ROBO2: variants seen among roughly 807,000 people sequenced by gnomAD.
ROBO2 encodes the protein roundabout homolog 2.
ROBO2 carries 53 observed loss-of-function variants against 160.8 expected under a neutral mutation model. The ratio of observed to expected loss-of-function variants is 0.33; its 90% CI spans 0.26 to 0.41. ROBO2 has a LOEUF of 0.41. ROBO2 is among the 10% of genes least tolerant of loss of function. The pLI is 1.00. For missense variants in ROBO2, 1,577 were observed against 1,722.4 expected (o/e 0.92, Z 1.49); for synonymous variants, 664 against 611.7 (o/e 1.09, Z -1.26).
chr3:77,350,451 G>C (rs1485324424), intron 2 of ROBO2, among the ~76,000 whole-genome samples: 2 of 152,092 alleles, frequency 1.3e-5, no homozygotes, highest in Non-Finnish European at 2.9e-5. Flanking sequence ...CACTTCCACT[G>C]AATATGGAGA....
chr3:77,235,175 A>C (rs2087777521), intron 2 of ROBO2, among the ~76,000 whole-genome samples: 1 of 152,168 alleles, frequency 6.6e-6, no homozygotes. Context: ...AATATTCGAT[A>C]ACCTTTATTA....
chr3:76,672,377 T>C (rs1186378081), intron 2 of ROBO2, among the ~76,000 whole-genome samples: 2 of 152,164 alleles, frequency 1.3e-5, no homozygotes, highest in Non-Finnish European at 2.9e-5. Context: ...CTAGACAATA[T>C]CTTTATTTTG....
At chr3:77,172,183 A>T (rs1341261963) in intron 2 of ROBO2, among the ~76,000 whole-genome samples, 1 of 152,162 alleles carries the variant, frequency 6.6e-6, no homozygotes, top group Non-Finnish European at 1.5e-5. Context: ...ATGCTCAGGT[A>T]AGAAGATTTT....
At chr3:76,557,545 T>G (rs1193164605) in intron 2 of ROBO2, among the ~76,000 whole-genome samples, 1 of 151,824 alleles carries the variant, frequency 6.6e-6, no homozygotes, top group Non-Finnish European at 1.5e-5. Context: ...TTGGTTTAGT[T>G]GCTATCTGGA....
At chr3:76,542,314 G>C (rs2082864326) in intron 2 of ROBO2, among the ~76,000 whole-genome samples, 1 of 152,028 alleles carries the variant, frequency 6.6e-6, no homozygotes, top group Admixed American at 6.6e-5. Context: ...ATTAATATAT[G>C]GGAATATGGT....
chr3:77,018,617 C>A (rs576858895), intron 2 of ROBO2, among the ~76,000 whole-genome samples: 7 of 152,194 alleles, frequency 4.6e-5, no homozygotes, highest in Admixed American at 6.5e-5. Flanking sequence ...TATTTTTATC[C>A]AGTCATAATA....
intron 1 of ROBO2, among the ~76,000 whole-genome samples, chr3:77,088,314 A>C (rs1415134766): frequency 6.6e-6 from 1 of 152,210 alleles, no homozygotes; most frequent in Admixed American, 6.5e-5. Context: ...ACCCTAATTA[A>C]GGAAGGAAAT....
chr3:76,094,604 G>T (rs1159765877), intron 2 of ROBO2, among the ~76,000 whole-genome samples: 2 of 152,184 alleles, frequency 1.3e-5, no homozygotes, highest in Non-Finnish European at 2.9e-5. Flanking sequence ...ATTATGTTAT[G>T]ATTGACTATA....
intron 2 of ROBO2, among the ~76,000 whole-genome samples, chr3:77,391,354 T>C (rs2074710812): frequency 6.6e-6 from 1 of 152,092 alleles, no homozygotes; most frequent in Non-Finnish European, 1.5e-5. Flanking sequence ...TAGCCCAGGC[T>C]GGAGTACAGT....
intron 2 of ROBO2, among the ~76,000 whole-genome samples, chr3:77,410,253 T>C (rs942465573): frequency 2.0e-5 from 3 of 152,214 alleles, no homozygotes; most frequent in South Asian, 4.1e-4. Context: ...CAAAACTTTT[T>C]AGTTCATGTT....
intron 1 of ROBO2, among the ~76,000 whole-genome samples, chr3:77,043,930 T>C (rs2064354823): frequency 6.6e-6 from 1 of 152,156 alleles, no homozygotes; most frequent in South Asian, 2.1e-4. Context: ...AGATGTAGAA[T>C]CTCATAGAGG....
chr3:77,347,808 C>A (rs1230987564), intron 2 of ROBO2, among the ~76,000 whole-genome samples: 1 of 152,102 alleles, frequency 6.6e-6, no homozygotes, highest in African/African-American at 2.4e-5. Context: ...GAAGCTCCTT[C>A]TCTCATGTAT....
intron 2 of ROBO2, among the ~76,000 whole-genome samples, chr3:76,896,609 T>TA (rs1226558967): frequency 2.0e-5 from 3 of 152,130 alleles, no homozygotes; most frequent in Admixed American, 6.6e-5. Context: ...CCGGTTCAGT[T>TA]AAAAAAGTTA....
intron 2 of ROBO2, among the ~76,000 whole-genome samples, chr3:76,168,818 T>C (rs1040553995): frequency 6.6e-6 from 1 of 151,802 alleles, no homozygotes; most frequent in African/African-American, 2.4e-5. Context: ...AATCCTTAAG[T>C]GATCAGAAGA....
chr3:76,126,135 G>A (rs957436375), intron 2 of ROBO2, among the ~76,000 whole-genome samples: 1 of 152,208 alleles, frequency 6.6e-6, no homozygotes, highest in East Asian at 1.9e-4. Context: ...AATTTTAAAG[G>A]GGAAAAATAG....
At chr3:76,835,187 A>T (rs2067573615) in intron 2 of ROBO2, among the ~76,000 whole-genome samples, 1 of 151,818 alleles carries the variant, frequency 6.6e-6, no homozygotes, top group African/African-American at 2.4e-5. Context: ...AAACTGACTT[A>T]GAACAATAAA....
chr3:77,103,988 A>G (rs796906619), intron 2 of ROBO2, among the ~76,000 whole-genome samples: 3 of 152,304 alleles, frequency 2.0e-5, no homozygotes, highest in African/African-American at 7.2e-5. Flanking sequence ...TACACATCAT[A>G]AAGACACAAG....
chr3:76,999,127 A>G (rs1477041334), intron 2 of ROBO2, among the ~76,000 whole-genome samples: 5 of 151,934 alleles, frequency 3.3e-5, no homozygotes, highest in African/African-American at 1.2e-4. Flanking sequence ...TACATTTTCA[A>G]TTATCTACTG....
At chr3:76,698,130 A>AAGAATT (rs1354920259) in intron 2 of ROBO2, among the ~76,000 whole-genome samples, 3 of 145,412 alleles carry the variant, frequency 2.1e-5, no homozygotes, top group East Asian at 2.1e-4. Context: ...TTCACTGGTT[A>AAGAATT]GGCTTTTTCC....
Sources: gnomAD v4.1 joint callset for allele counts (sites outside exome capture counted in the v4.1 genomes callset) on GRCh38, gnomAD v4.1.1 for gene constraint, MANE v1.5 for transcripts, NCBI Gene and HGNC (gene_info 2026-07-23, HGNC 2026-07-21) for gene names.